DYNC1I1: variants seen among roughly 807,000 people sequenced by gnomAD.
The protein encoded by DYNC1I1 is cytoplasmic dynein 1 intermediate chain 1.
In DYNC1I1, 43 loss-of-function variants were observed where a neutral mutation model predicts 86.6. That is an observed-to-expected ratio of 0.50 (90% confidence interval 0.39 to 0.64). DYNC1I1 has a LOEUF of 0.64. Among genes scored for constraint, DYNC1I1 ranks in the 30% least tolerant of loss-of-function variants. The probability of loss-of-function intolerance (pLI) is 0.00; values close to 1 mark genes in which losing one functional copy is unlikely to be tolerated. For synonymous variants in DYNC1I1, 262 were observed against 283.7 expected, an observed-to-expected ratio of 0.92 and a Z score of 0.77; for missense variants, 604 against 788.8, an observed-to-expected ratio of 0.77 and a Z score of 2.81.
chr7:95,995,201 C>T (rs1793832000), intron 9 of DYNC1I1, among the ~76,000 whole-genome samples: 1 of 151,920 alleles, frequency 6.6e-6, no homozygotes, highest in Non-Finnish European at 1.5e-5. Flanking sequence ...GAGCCAAGAT[C>T]AGGCCACTGC....
intron 16 of DYNC1I1, among the ~76,000 whole-genome samples, chr7:96,105,959 A>AT (rs1490053080): frequency 1.3e-5 from 2 of 152,064 alleles, no homozygotes; most frequent in African/African-American, 4.8e-5. Context: ...CTATTCTCTT[A>AT]TTACCCTTTA....
chr7:95,863,549 T>C (rs1050830997), intron 5 of DYNC1I1, among the ~76,000 whole-genome samples: 22 of 152,226 alleles, frequency 1.4e-4, no homozygotes, highest in Non-Finnish European at 2.2e-4. Context: ...CTTAAGTCTC[T>C]GGTCAACCAC....
intron 5 of DYNC1I1, among the ~76,000 whole-genome samples, chr7:95,844,303 G>A (rs1263641261): frequency 6.6e-6 from 1 of 152,154 alleles, no homozygotes; most frequent in African/African-American, 2.4e-5. Flanking sequence ...AGGAAGCAAA[G>A]AGAATGAAGG....
intron 1 of DYNC1I1, among the ~76,000 whole-genome samples, chr7:95,795,151 C>T (rs186620090): frequency 9.2e-5 from 14 of 152,270 alleles, no homozygotes; most frequent in African/African-American, 1.2e-4. Context: ...AAGACTGGAC[C>T]GGAAGTAGAC....
At chr7:96,109,232 C>G (rs1400044729) in intron 16 of DYNC1I1, among the ~76,000 whole-genome samples, 1 of 149,866 alleles carries the variant, frequency 6.7e-6, no homozygotes, top group Non-Finnish European at 1.5e-5. Flanking sequence ...TATTATTATA[C>G]TTTAAGTTTT....
chr7:95,777,860 T>G (rs1793885843), intron 1 of DYNC1I1, among the ~76,000 whole-genome samples: 1 of 152,208 alleles, frequency 6.6e-6, no homozygotes, highest in South Asian at 2.1e-4. Flanking sequence ...TTCTCTTTTA[T>G]AATCCCTCAA....
chr7:96,043,592 A>G (rs1789122397), intron 14 of DYNC1I1, among the ~76,000 whole-genome samples: 1 of 152,140 alleles, frequency 6.6e-6, no homozygotes, highest in African/African-American at 2.4e-5. Flanking sequence ...TGGATCTTAA[A>G]ATATGGATCT....
At chr7:95,923,612 C>G (rs1293305459) in intron 6 of DYNC1I1, among the ~76,000 whole-genome samples, 1 of 152,076 alleles carries the variant, frequency 6.6e-6, no homozygotes, top group Non-Finnish European at 1.5e-5. Flanking sequence ...TGGAGGAATA[C>G]TGTACTCAAA....
At chr7:95,782,825 G>A (rs573754935) in intron 1 of DYNC1I1, among the ~76,000 whole-genome samples, 2 of 152,212 alleles carry the variant, frequency 1.3e-5, no homozygotes, top group African/African-American at 4.8e-5. Flanking sequence ...GGGATGGAGT[G>A]GGAAGATGAT....
intron 1 of DYNC1I1, among the ~76,000 whole-genome samples, chr7:95,786,360 T>C (rs547755181): frequency 6.6e-6 from 1 of 152,292 alleles, no homozygotes; most frequent in African/African-American, 2.4e-5. Flanking sequence ...GCTCCTCCTT[T>C]AGGAAGCCCC....
chr7:95,814,104 T>A (rs1794896411), intron 4 of DYNC1I1, among the ~76,000 whole-genome samples: 1 of 152,178 alleles, frequency 6.6e-6, no homozygotes, highest in Admixed American at 6.6e-5. Flanking sequence ...GGAATTTATG[T>A]GAGTATGGCA....
chr7:95,858,686 A>G (rs553835816), intron 5 of DYNC1I1, among the ~76,000 whole-genome samples: 1 of 151,900 alleles, frequency 6.6e-6, no homozygotes, highest in East Asian at 1.9e-4. Context: ...TAATAATCTT[A>G]TGGGGCCACC....
intron 10 of DYNC1I1, among the ~76,000 whole-genome samples, chr7:96,025,326 T>G (rs1056352709): frequency 6.6e-6 from 1 of 151,818 alleles, no homozygotes; most frequent in African/African-American, 2.4e-5. Context: ...TGTCATGTAA[T>G]ACATATATGT....
chr7:95,833,125 C>T (rs1261780632), intron 5 of DYNC1I1, among the ~76,000 whole-genome samples: 1 of 147,774 alleles, frequency 6.8e-6, no homozygotes, highest in African/African-American at 2.5e-5. Flanking sequence ...AGTCTTTAAT[C>T]CATCTTGAAT....
intron 12 of DYNC1I1, among the ~76,000 whole-genome samples, chr7:96,033,483 A>C (rs1370824244): frequency 1.3e-5 from 2 of 152,188 alleles, no homozygotes; most frequent in African/African-American, 4.8e-5. Flanking sequence ...ACACATACAC[A>C]CACGCTTTTT....
intron 16 of DYNC1I1, among the ~76,000 whole-genome samples, chr7:96,085,652 G>A (rs1790655916): frequency 1.3e-5 from 2 of 152,202 alleles, no homozygotes. Context: ...AAAAGACAGA[G>A]AAGACCCCTT....
intron 6 of DYNC1I1, among the ~76,000 whole-genome samples, chr7:95,965,980 GTGAGCCAT>G (rs1344406668): frequency 6.6e-6 from 1 of 152,018 alleles, no homozygotes; most frequent in Non-Finnish European, 1.5e-5. Context: ...GTTCCATGTG[GTGAGCCAT>G]GGCAGCTTCA....
At chr7:96,051,006 T>C (rs970621944) in intron 14 of DYNC1I1, among the ~76,000 whole-genome samples, 15 of 152,192 alleles carry the variant, frequency 9.9e-5, no homozygotes, top group Non-Finnish European at 4.4e-5. Flanking sequence ...CTGGAGCTGA[T>C]GCTCAGAAAT....
intron 6 of DYNC1I1, among the ~76,000 whole-genome samples, chr7:95,895,124 G>T (rs1451336040): frequency 2.0e-5 from 3 of 152,060 alleles, no homozygotes; most frequent in Non-Finnish European, 4.4e-5. Flanking sequence ...CCCTTTTTTG[G>T]TGCAACTTTG....
Sources: allele counts gnomAD v4.1 joint callset (sites outside exome capture counted in the v4.1 genomes callset), GRCh38; gene constraint gnomAD v4.1.1; transcripts MANE v1.5; gene names NCBI Gene and HGNC (gene_info 2026-07-23, HGNC 2026-07-21).